The following SMTNL1 variants were observed in gnomAD, a reference collection of about 807,000 sequenced individuals.
The protein encoded by SMTNL1 is smoothelin like 1, also known as smoothelin-like protein 1.
In SMTNL1, 41 loss-of-function variants were observed where a neutral mutation model predicts 46.6. That is an observed-to-expected ratio of 0.88 (90% CI 0.69 to 1.14). The LOEUF (loss-of-function observed/expected upper bound fraction) is 1.14. Among genes scored for constraint, SMTNL1 ranks in the 50% most tolerant of loss-of-function variants. The pLI, the probability that SMTNL1 is intolerant of heterozygous loss-of-function variation, is 0.00. For missense variants in SMTNL1, 591 were observed against 626.1 expected (o/e 0.94, Z 0.60); for synonymous variants, 234 against 234.2 (o/e 1.00, Z 0.01).
At chr11:57,543,395 GC>G (rs763432566) in intron 2 of SMTNL1, 21 bp downstream of exon 2, 35 of 1,605,758 alleles carry the variant, frequency 2.2e-5, no homozygotes, top group Non-Finnish European at 2.9e-5. Flanking sequence ...CAGGAAAGGA[GC>G]AAGGAGGCTC....
intron 7 of SMTNL1, among the ~76,000 whole-genome samples, chr11:57,548,207 C>A (rs1163742949): frequency 6.6e-6 from 1 of 152,178 alleles, no homozygotes. Flanking sequence ...CCCCAAAGGG[C>A]AGCTGCGAAG....
At chr11:57,543,481 T>A (rs1025068711) in intron 2 of SMTNL1, 107 bp downstream of exon 2, 56 of 1,522,658 alleles carry the variant, frequency 3.7e-5, no homozygotes, top group Non-Finnish European at 4.8e-5. Flanking sequence ...CTCCTGATGA[T>A]TTCCAGAGCC....
rs1328782123 is a variant in SMTNL1 at position 57,542,114 on chromosome 11, ACACACAC to A, written c.-2-526_-2-520del. Among the ~76,000 whole-genome samples the A allele has an allele frequency of 1.1e-3, 96 of 89,844 alleles. 1 individual carries two copies. The highest frequency in any genetic ancestry group is 0.014 in the Middle Eastern group (2 of 140). The allele number at this position is 89,844 out of a possible 152,430, so 58.9% of individuals were successfully genotyped here. On this transcript the variant is annotated intron_variant, in intron 1 of 7. Transcript: ENST00000527972. Reference sequence around the variant, plus strand: ...AAAACCCCATCTCTACAAAAAAAAAACACACACACACACACACACACACACACACAAA... The same window carrying A: ...AAAACCCCATCTCTACAAAAAAAAAAACACACACACACACACACACACAAA...
chr11:57,539,027 A>C (rs1184531505), intron 1 of SMTNL1, among the ~76,000 whole-genome samples: 1 of 151,984 alleles, frequency 6.6e-6, no homozygotes, highest in African/African-American at 2.4e-5. Context: ...CCACCACCCT[A>C]AGTATGCAGC....
intron 7 of SMTNL1, among the ~76,000 whole-genome samples, chr11:57,548,906 C>T (rs1028242458): frequency 6.6e-6 from 1 of 152,108 alleles, no homozygotes; most frequent in Non-Finnish European, 1.5e-5. Context: ...GGAAGAGGGC[C>T]TGGCACATAA....
chr11:57,538,316 T>G (rs1398664554), intron 1 of SMTNL1, among the ~76,000 whole-genome samples: 1 of 152,150 alleles, frequency 6.6e-6, no homozygotes, highest in Non-Finnish European at 1.5e-5. Context: ...GTTTGGATCT[T>G]GGGCTCCTGG....
chr11:57,546,378 G>A (rs1265313737), intron 6 of SMTNL1, 31 bp downstream of exon 6: 2 of 1,574,860 alleles, frequency 1.3e-6, no homozygotes, highest in East Asian at 2.3e-5. Flanking sequence ...CGTGGGTGGG[G>A]CAGGGGTCCA....
chr11:57,545,773 C>A lies in SMTNL1; in HGVS notation c.918-108C>A. On this transcript the variant is annotated intron_variant, in intron 4 of 7. Coordinates refer to ENST00000527972, the MANE Select transcript of SMTNL1 (RefSeq NM_001105565.3). ...CCAGTGCTGGGCACAGCTGCACACA[C>A]CCCCTTAGACTGCAGTGCCACCCAC... 5 of 1,091,696 alleles carry A rather than the reference C, an allele frequency of 4.6e-6. No individual in the cohort carries two copies. The South Asian group carries it at 4.7e-5, about 10-fold the overall frequency. 67.6% of individuals were successfully genotyped at this position (1,091,696 alleles called of 1,614,324 possible). A position where few individuals can be genotyped will look rare whatever the true frequency, so the allele number is the denominator to read the frequency against.
Position 57,542,768 on chromosome 11 carries a change from C to T in SMTNL1, c.126C>T (p.Ile42=). ...CCAAAGGCACAGCTGGAAAGGCCATCAATGAGGGGCCTCCCACTGAGTCAG... is the reference window on the plus strand; with the variant it reads ...CCAAAGGCACAGCTGGAAAGGCCATTAATGAGGGGCCTCCCACTGAGTCAG... ...EETKGTAGKA[I]NEGPPTESGK... The change falls in exon 2 of 8, where the codon ATC becomes ATT. Residue 42 remains isoleucine (I), a synonymous_variant. Transcript: ENST00000527972. 20 of 1,613,922 alleles carry T rather than the reference C, an allele frequency of 1.2e-5. No homozygotes were observed. Among genetic ancestry groups the T allele is most frequent in the Non-Finnish European group, 1.7e-5 (20 of 1,179,864 alleles).
chr11:57,541,436 T>C, intron 1 of SMTNL1: 1 of 1,322,150 alleles, frequency 7.6e-7, no homozygotes, highest in South Asian at 1.2e-5. Context: ...CACACCTGTT[T>C]TTGTAGATCC....
chr11:57,549,567 G>T (rs1017531465), intron 7 of SMTNL1, among the ~76,000 whole-genome samples: 1 of 151,630 alleles, frequency 6.6e-6, no homozygotes, highest in African/African-American at 2.4e-5. Context: ...CTCTGAAAAG[G>T]TCTCACTAGG....
At chr11:57,540,263 A>AATTTT (rs765990782) in intron 1 of SMTNL1, among the ~76,000 whole-genome samples, 8 of 151,990 alleles carry the variant, frequency 5.3e-5, no homozygotes, top group Non-Finnish European at 1.0e-4. Flanking sequence ...TGTTTTGTTT[A>AATTTT]ATTTTATTTT....
At chr11:57,545,254 A>G (rs117883835) in intron 4 of SMTNL1, among the ~76,000 whole-genome samples, 189 of 152,296 alleles carry the variant, frequency 1.2e-3, no homozygotes, top group Admixed American at 2.7e-3. Context: ...CTCATTTTAC[A>G]GATGAGGAAG....
In SMTNL1 at chr11:57,546,342, T is replaced by A; in HGVS notation, c.1183T>A (p.Tyr395Asn). 2 of 1,589,634 alleles carry A rather than the reference T, an allele frequency of 1.3e-6. No individual in the cohort carries two copies. Among genetic ancestry groups the A allele is most frequent in the Non-Finnish European group, 1.7e-6 (2 of 1,169,874 alleles). Residue 395 changes from tyrosine (Y) to asparagine (N), a missense_variant, in exon 6 of 8, where the codon TAC (tyrosine) becomes AAC (asparagine). Coordinates refer to ENST00000527972, the MANE Select transcript of SMTNL1 (RefSeq NM_001105565.3). Reference protein sequence around the residue: ...LEWCRAMTKKYEHVDIQNFSS... With the variant: ...LEWCRAMTKKNEHVDIQNFSS... ...GTGGTGCCGAGCCATGACAAAAAAA[T>A]ACGAGGTGGGCATGGGGCAGAGCTG...
chr11:57,544,061 A>T, intron 4 of SMTNL1, 141 bp downstream of exon 4: 2 of 921,024 alleles, frequency 2.2e-6, no homozygotes, highest in Non-Finnish European at 3.3e-6. Flanking sequence ...TTCCTATCCC[A>T]GGGCAGAGCC....
chr11:57,539,102 A>C (rs1168365470), intron 1 of SMTNL1, among the ~76,000 whole-genome samples: 3 of 152,012 alleles, frequency 2.0e-5, no homozygotes, highest in Non-Finnish European at 2.9e-5. Flanking sequence ...TAAACTCAGC[A>C]CTTTAGGAGG....
In SMTNL1 at chr11:57,550,172, CG is replaced by C; in HGVS notation, c.*65del. 4 of 1,537,156 alleles carry C rather than the reference CG, an allele frequency of 2.6e-6. No homozygotes were observed. The highest frequency in any genetic ancestry group is 2.4e-5 in the East Asian group (1 of 42,276). On this transcript the variant is annotated 3_prime_UTR_variant, in exon 8 of 8. Coordinates refer to ENST00000527972, the MANE Select transcript of SMTNL1 (RefSeq NM_001105565.3). Reference sequence around the variant, plus strand: ...GGTGCCCAGCTCAGCAGCCACGGCCCGGGGGTTCCCTTCTGCTCCATGGAGG... The same window carrying C: ...GGTGCCCAGCTCAGCAGCCACGGCCCGGGGTTCCCTTCTGCTCCATGGAGG...
chr11:57,546,653 G>GT lies in SMTNL1; in HGVS notation c.1340+2dup. On this transcript the variant is annotated splice_donor_variant, in intron 7 of 7. Coordinates refer to ENST00000527972, the MANE Select transcript of SMTNL1 (RefSeq NM_001105565.3). LOFTEE classifies it high-confidence loss of function. ...TCACCCTGGCCTTCTCCACAGCAGA[G>GT]TAAGCCACAGCCATGGGCTGGCAGA... The GT allele has an allele frequency of 1.2e-6, 2 of 1,612,786 alleles. No individual in the cohort carries two copies. Among genetic ancestry groups the GT allele is most frequent in the Non-Finnish European group, 1.7e-6 (2 of 1,179,392 alleles).
At chr11:57,549,716 G>T (rs984619131) in intron 7 of SMTNL1, among the ~76,000 whole-genome samples, 1 of 152,098 alleles carries the variant, frequency 6.6e-6, no homozygotes, top group Admixed American at 6.5e-5. Flanking sequence ...TGGCTTTGGG[G>T]TTACCTGTCT....
Sources: allele counts gnomAD v4.1 joint callset (sites outside exome capture counted in the v4.1 genomes callset), GRCh38; gene constraint gnomAD v4.1.1; transcripts MANE v1.5; gene names NCBI Gene and HGNC (gene_info 2026-07-23, HGNC 2026-07-21).